The following NF1 variants were observed in gnomAD, a reference collection of about 807,000 sequenced individuals.
The protein encoded by NF1 is neurofibromin.
Under a neutral mutation model 325.7 loss-of-function variants are expected in NF1, and 122 were observed. That is an observed-to-expected ratio of 0.37 (90% confidence interval 0.32 to 0.44). NF1 has a LOEUF of 0.44. NF1 is among the 20% of genes least tolerant of loss of function. NF1 has a pLI of 1.00. For missense variants in NF1, 2,140 were observed against 3,415.4 expected, an observed-to-expected ratio of 0.63 and a Z score of 9.31; for synonymous variants, 1,091 against 1,186.0, an observed-to-expected ratio of 0.92 and a Z score of 1.65.
At chr17:31,128,344 G>T (rs756074224) in intron 1 of NF1, 1 of 152,128 alleles carries the variant, frequency 6.6e-6, no homozygotes, top group Non-Finnish European at 1.5e-5. Flanking sequence ...ATTGATATGT[G>T]TGGATCTAAT....
In NF1 at chr17:31,307,841, G is replaced by A. The variant is rs973381291; in HGVS notation, c.4836-17979G>A. On this transcript the variant is annotated intron_variant, in intron 36 of 57. Coordinates refer to ENST00000358273, the MANE Select transcript of NF1 (RefSeq NM_001042492.3). ...TGACTCATAAGCCTATATTTAGAGAGATTTGATGTTCTGTTGGAAGGTGCA... is the reference window on the plus strand; with the variant it reads ...TGACTCATAAGCCTATATTTAGAGAAATTTGATGTTCTGTTGGAAGGTGCA... 4.0e-6 allele frequency: 5 copies of A among 1,237,960 alleles called. No individual in the cohort carries two copies. The African/African-American group carries it at 7.7e-5, about 19-fold the overall frequency. The allele number at this position is 1,237,960 out of a possible 1,614,324, so 76.7% of individuals were successfully genotyped here. A position where few individuals can be genotyped will look rare whatever the true frequency, so the allele number is the denominator to read the frequency against.
intron 8 of NF1, among the ~76,000 whole-genome samples, chr17:31,193,361 G>A (rs571729920): frequency 6.6e-6 from 1 of 152,236 alleles, no homozygotes; most frequent in Admixed American, 6.5e-5. Context: ...AAGAGACTAA[G>A]TCTTGCTATT....
chr17:31,328,063 A>T (rs773641960), intron 38 of NF1, among the ~76,000 whole-genome samples: 1 of 152,326 alleles, frequency 6.6e-6, no homozygotes, highest in East Asian at 1.9e-4. Flanking sequence ...TTTCTCCATC[A>T]TGTAAAACAA....
chr17:31,314,334 T>C (rs1306169486), intron 36 of NF1: 1 of 216,602 alleles, frequency 4.6e-6, no homozygotes, highest in Non-Finnish European at 9.0e-6. Flanking sequence ...AATTACATGT[T>C]CTAAGAAGAA....
At chr17:31,309,848 T>C (rs2068821434) in intron 36 of NF1, among the ~76,000 whole-genome samples, 1 of 152,190 alleles carries the variant, frequency 6.6e-6, no homozygotes, top group Non-Finnish European at 1.5e-5. Flanking sequence ...CAGTTAACGG[T>C]TATGGCAATA....
chr17:31,252,054 G>A (rs1182523808), intron 30 of NF1: 2 of 213,330 alleles, frequency 9.4e-6, no homozygotes, highest in African/African-American at 4.6e-5. Context: ...AGAAATCTTT[G>A]GTCTAGAAAG....
intron 57 of NF1, among the ~76,000 whole-genome samples, chr17:31,365,914 T>A: frequency 6.6e-6 from 1 of 151,978 alleles, no homozygotes; most frequent in East Asian, 1.9e-4. Context: ...ACAAAACAAG[T>A]AAATTCGTGA....
At position 31,326,282 on chromosome 17, in the gene NF1, T is replaced by C. The variant is rs763767555; in HGVS notation, c.5268+30T>C. On this transcript the variant is annotated intron_variant, in intron 37 of 57. Coordinates refer to ENST00000358273, the MANE Select transcript of NF1 (RefSeq NM_001042492.3). ...GTTCCAGTCTGTGTTTTGTAAACGA[T>C]TCATTGCTTTTCTTGACTAACTAGA... 4 of 1,591,842 alleles carry C rather than the reference T, an allele frequency of 2.5e-6. No individual in the cohort carries two copies. In the South Asian group the frequency reaches 3.3e-5, roughly 13 times the overall value.
intron 29 of NF1, among the ~76,000 whole-genome samples, chr17:31,238,732 TAAA>T (rs796369919): frequency 1.7e-5 from 2 of 120,916 alleles, no homozygotes; most frequent in Admixed American, 8.4e-5. Flanking sequence ...AGACTCTGTC[TAAA>T]AAAAAAAAAA....
chr17:31,350,424 T>C (rs751817426), intron 50 of NF1, 106 bp downstream of exon 50: 197 of 940,914 alleles, frequency 2.1e-4, no homozygotes, highest in Non-Finnish European at 2.8e-4. Flanking sequence ...ATGGGAGAAA[T>C]CTAGAGATGG....
intron 39 of NF1, chr17:31,331,406 G>A (rs867501676): frequency 4.6e-5 from 7 of 152,116 alleles, no homozygotes; most frequent in Admixed American, 1.3e-4. Context: ...TGGGATTTGA[G>A]GATTGAGAAT....
chr17:31,319,412 T>G (rs1044989390), intron 36 of NF1, among the ~76,000 whole-genome samples: 2 of 151,934 alleles, frequency 1.3e-5, no homozygotes, highest in Non-Finnish European at 2.9e-5. Context: ...TTACAGAAAC[T>G]ACCCACCCTC....
intron 29 of NF1, 80 bp from the exon 30 acceptor site, chr17:31,248,898 GTCTGTA>G (rs2067445906): frequency 8.3e-6 from 11 of 1,321,846 alleles, no homozygotes; most frequent in Non-Finnish European, 1.1e-5. Context: ...TTGGCTTAAT[GTCTGTA>G]TAAGAGTCTC....
chr17:31,279,998 C>T (rs1035112821), intron 36 of NF1, among the ~76,000 whole-genome samples: 2 of 152,066 alleles, frequency 1.3e-5, no homozygotes. Context: ...TTTATAGAAT[C>T]TTAATTTTTA....
intron 1 of NF1, among the ~76,000 whole-genome samples, chr17:31,149,667 T>C (rs1209487463): frequency 6.6e-6 from 1 of 152,130 alleles, no homozygotes; most frequent in Non-Finnish European, 1.5e-5. Context: ...GTATCTGGAA[T>C]GGGGAATTGG....
At chr17:31,167,710 G>T (rs2065867844) in intron 4 of NF1, among the ~76,000 whole-genome samples, 1 of 152,132 alleles carries the variant, frequency 6.6e-6, no homozygotes, top group Admixed American at 6.5e-5. Flanking sequence ...GGTTGTTGGT[G>T]TAAAATGGAA....
chr17:31,178,997 G>C (rs1288663604), intron 5 of NF1, among the ~76,000 whole-genome samples: 1 of 152,178 alleles, frequency 6.6e-6, no homozygotes, highest in African/African-American at 2.4e-5. Flanking sequence ...GTTGAACTCA[G>C]CCCTGCACCA....
intron 36 of NF1, among the ~76,000 whole-genome samples, chr17:31,313,646 C>T (rs2068941439): frequency 6.7e-6 from 1 of 148,912 alleles, no homozygotes; most frequent in African/African-American, 2.5e-5. Flanking sequence ...GTGGAGGTTG[C>T]AGTGAGCTGA....
At chr17:31,371,483 T>C (rs1356975620) in intron 57 of NF1, among the ~76,000 whole-genome samples, 2 of 152,222 alleles carry the variant, frequency 1.3e-5, no homozygotes, top group African/African-American at 4.8e-5. Context: ...CCAGAGATCA[T>C]GAGCAGCTTT....
Sources: allele counts gnomAD v4.1 joint callset (sites outside exome capture counted in the v4.1 genomes callset), GRCh38; gene constraint gnomAD v4.1.1; transcripts MANE v1.5; gene names NCBI Gene and HGNC (gene_info 2026-07-23, HGNC 2026-07-21).